The following SORCS3 variants were observed in gnomAD, a reference collection of about 807,000 sequenced individuals.
SORCS3 encodes the protein VPS10 domain-containing receptor SorCS3.
Under a neutral mutation model 146.3 loss-of-function variants are expected in SORCS3, and 57 were observed. That is an observed-to-expected ratio of 0.39 (90% CI 0.31 to 0.49). The LOEUF (loss-of-function observed/expected upper bound fraction) is 0.49, where lower values mean the gene tolerates loss of function less well. Among genes scored for constraint, SORCS3 ranks in the 20% least tolerant of loss-of-function variants. The pLI, the probability that SORCS3 is intolerant of heterozygous loss-of-function variation, is 0.92. For missense variants in SORCS3, 1,341 were observed against 1,575.5 expected (o/e 0.85, Z 2.52); for synonymous variants, 653 against 618.5 (o/e 1.06, Z -0.83).
At chr10:105,129,802 G>A (rs932487647) in intron 7 of SORCS3, among the ~76,000 whole-genome samples, 4 of 151,936 alleles carry the variant, frequency 2.6e-5, no homozygotes, top group African/African-American at 4.8e-5. Context: ...GATAAGTCTC[G>A]AAGCCATTAA....
At chr10:104,927,577 C>A (rs1460796071) in intron 3 of SORCS3, among the ~76,000 whole-genome samples, 1 of 152,044 alleles carries the variant, frequency 6.6e-6, no homozygotes, top group Non-Finnish European at 1.5e-5. Flanking sequence ...ACTTTGAAAG[C>A]CTTTAAAAAG....
chr10:105,001,848 G>A (rs1209452285), intron 4 of SORCS3, among the ~76,000 whole-genome samples: 2 of 152,130 alleles, frequency 1.3e-5, no homozygotes, highest in African/African-American at 2.4e-5. Flanking sequence ...GGACACAACT[G>A]TTCCCATTTC....
intron 3 of SORCS3, among the ~76,000 whole-genome samples, chr10:104,973,703 T>C (rs1406286679): frequency 6.6e-6 from 1 of 150,828 alleles, no homozygotes; most frequent in East Asian, 1.9e-4. Context: ...CCTTCAGTTC[T>C]GCTCTGATTT....
At chr10:104,891,884 C>G (rs1538736) in intron 2 of SORCS3, among the ~76,000 whole-genome samples, 17,856 of 152,140 alleles carry the variant, frequency 0.12, 1,143 homozygotes, top group South Asian at 0.27. Context: ...ACTGGCACCT[C>G]CGAAGGTAAT....
At chr10:105,209,712 A>G (rs764617085) in intron 16 of SORCS3, among the ~76,000 whole-genome samples, 7 of 152,186 alleles carry the variant, frequency 4.6e-5, no homozygotes, top group Non-Finnish European at 7.3e-5. Context: ...AAAAAGTGGA[A>G]TGCTTCAAGC....
chr10:105,129,331 C>CTCTTTTTTTTT (rs1172062304), intron 7 of SORCS3, among the ~76,000 whole-genome samples: 3 of 104,636 alleles, frequency 2.9e-5, no homozygotes, highest in African/African-American at 7.8e-5. Context: ...CTTTCTTTCT[C>CTCTTTTTTTTT]TTTTTTTTTT....
intron 6 of SORCS3, among the ~76,000 whole-genome samples, chr10:105,091,217 TTCCC>T (rs1394622008): frequency 9.7e-6 from 1 of 103,214 alleles, no homozygotes; most frequent in Non-Finnish European, 2.1e-5. Context: ...CCTTCCTTCC[TTCCC>T]TCCTTCCTTC....
chr10:104,778,512 A>G (rs1186227007), intron 1 of SORCS3, among the ~76,000 whole-genome samples: 2 of 152,228 alleles, frequency 1.3e-5, no homozygotes, highest in Non-Finnish European at 1.5e-5. Flanking sequence ...TCAAAGAGGA[A>G]TGATCACATC....
At chr10:105,188,654 T>C (rs1474339948) in intron 14 of SORCS3, among the ~76,000 whole-genome samples, 2 of 152,218 alleles carry the variant, frequency 1.3e-5, no homozygotes, top group Admixed American at 6.5e-5. Flanking sequence ...TTCTTCAAGG[T>C]CATCTGGTTA....
At chr10:105,053,917 A>T (rs181654782) in intron 5 of SORCS3, among the ~76,000 whole-genome samples, 58 of 152,184 alleles carry the variant, frequency 3.8e-4, no homozygotes, top group African/African-American at 1.4e-3. Flanking sequence ...TATATATATA[A>T]AAATATTGTC....
At chr10:104,816,145 CA>C (rs571304045) in intron 1 of SORCS3, among the ~76,000 whole-genome samples, 181 of 152,294 alleles carry the variant, frequency 1.2e-3, no homozygotes, top group African/African-American at 4.3e-3. Flanking sequence ...ATAGCTTTGT[CA>C]TTCTGCCAGA....
chr10:105,175,447 A>G (rs2056394030), intron 13 of SORCS3, among the ~76,000 whole-genome samples: 2 of 152,070 alleles, frequency 1.3e-5, no homozygotes, highest in South Asian at 2.1e-4. Context: ...ACAAAAACCA[A>G]TTTACCCAAA....
chr10:104,707,809 C>G (rs1015606059), intron 1 of SORCS3, among the ~76,000 whole-genome samples: 1 of 152,156 alleles, frequency 6.6e-6, no homozygotes, highest in African/African-American at 2.4e-5. Context: ...GCTTCCCTTC[C>G]CCCATCCCCA....
intron 1 of SORCS3, among the ~76,000 whole-genome samples, chr10:104,747,743 G>A (rs767494836): frequency 3.3e-5 from 5 of 152,202 alleles, no homozygotes; most frequent in Non-Finnish European, 5.9e-5. Flanking sequence ...CACAGTTCCT[G>A]GCATGTAGGA....
intron 1 of SORCS3, among the ~76,000 whole-genome samples, chr10:104,788,219 G>A (rs1380927110): frequency 5.9e-5 from 9 of 152,134 alleles, no homozygotes; most frequent in African/African-American, 1.9e-4. Flanking sequence ...AAACTAAAAC[G>A]GAGCCAAAAG....
intron 1 of SORCS3, among the ~76,000 whole-genome samples, chr10:104,671,203 C>A (rs1452595083): frequency 1.3e-5 from 2 of 150,594 alleles, no homozygotes; most frequent in Admixed American, 1.3e-4. Flanking sequence ...TAAAAGCCAG[C>A]TTCCTTGACT....
chr10:104,915,559 G>A (rs530277138), intron 2 of SORCS3, among the ~76,000 whole-genome samples: 29 of 152,232 alleles, frequency 1.9e-4, no homozygotes, highest in East Asian at 1.7e-3. Context: ...GAGTCAGGCC[G>A]TCTCCAGCAG....
intron 1 of SORCS3, among the ~76,000 whole-genome samples, chr10:104,650,782 G>A (rs1010487797): frequency 6.6e-6 from 1 of 152,182 alleles, no homozygotes; most frequent in African/African-American, 2.4e-5. Flanking sequence ...GCTGGCCTGG[G>A]ATCTGCACTC....
intron 20 of SORCS3, among the ~76,000 whole-genome samples, chr10:105,230,337 G>T (rs910486856): frequency 6.6e-6 from 1 of 152,112 alleles, no homozygotes; most frequent in Middle Eastern, 3.2e-3. Flanking sequence ...TGGGGAGTGG[G>T]AGTGGTTATG....
Sources: allele counts gnomAD v4.1 joint callset (sites outside exome capture counted in the v4.1 genomes callset), GRCh38; gene constraint gnomAD v4.1.1; transcripts MANE v1.5; gene names NCBI Gene and HGNC (gene_info 2026-07-23, HGNC 2026-07-21).